The following CBFA2T2 variants were observed in gnomAD, a reference collection of about 807,000 sequenced individuals.
The protein encoded by CBFA2T2 is protein CBFA2T2.
A neutral mutation model predicts 62.2 loss-of-function variants in CBFA2T2; 11 were observed. That is an observed-to-expected ratio of 0.18 (90% confidence interval 0.11 to 0.29). CBFA2T2 has a LOEUF of 0.29. Ranked by LOEUF, CBFA2T2 falls within the 10% of genes least tolerant of loss-of-function variation. The pLI, the probability that CBFA2T2 is intolerant of heterozygous loss-of-function variation, is 1.00. For missense variants in CBFA2T2, 592 were observed against 774.1 expected (o/e 0.76, Z 2.79); for synonymous variants, 295 against 287.5 (o/e 1.03, Z -0.27).
At chr20:33,493,226 C>G (rs2011162637) in intron 1 of CBFA2T2, among the ~76,000 whole-genome samples, 2 of 151,790 alleles carry the variant, frequency 1.3e-5, no homozygotes, top group Non-Finnish European at 2.9e-5. Context: ...CAGGTGCGTG[C>G]CAACACGTCC....
chr20:33,537,974 A>T (rs2012311852), intron 1 of CBFA2T2, among the ~76,000 whole-genome samples: 1 of 151,910 alleles, frequency 6.6e-6, no homozygotes, highest in Admixed American at 6.6e-5. Context: ...TTCCAAATAA[A>T]TTCTAGAATT....
intron 1 of CBFA2T2, among the ~76,000 whole-genome samples, chr20:33,520,542 A>G (rs2011700544): frequency 1.3e-5 from 2 of 152,092 alleles, no homozygotes; most frequent in Non-Finnish European, 2.9e-5. Context: ...AGGCCAAGGC[A>G]GGTGGATCAC....
intron 10 of CBFA2T2, 49 bp downstream of exon 10, chr20:33,640,580 C>T (rs374096247): frequency 8.0e-5 from 124 of 1,547,914 alleles, no homozygotes; most frequent in Non-Finnish European, 1.0e-4. Flanking sequence ...GGAGTGACCA[C>T]GCCCGCTGCC....
intron 1 of CBFA2T2, among the ~76,000 whole-genome samples, chr20:33,556,240 T>C (rs577543113): frequency 1.5e-4 from 23 of 152,332 alleles, no homozygotes; most frequent in African/African-American, 5.1e-4. Flanking sequence ...TTTCTTTTCT[T>C]GACCATTCCA....
intron 1 of CBFA2T2, among the ~76,000 whole-genome samples, chr20:33,531,478 A>G (rs2012061482): frequency 6.6e-6 from 1 of 152,208 alleles, no homozygotes; most frequent in African/African-American, 2.4e-5. Context: ...TAGAAAAAAC[A>G]GTTCAGATCT....
At chr20:33,623,986 C>CA (rs1004126995) in intron 5 of CBFA2T2, 213 of 533,638 alleles carry the variant, frequency 4.0e-4, no homozygotes, top group Middle Eastern at 6.6e-4. Context: ...AAAGAAAAAA[C>CA]AAAAAAAAAG....
intron 8 of CBFA2T2, among the ~76,000 whole-genome samples, chr20:33,630,492 A>G (rs773703512): frequency 2.1e-4 from 32 of 152,102 alleles, no homozygotes; most frequent in Non-Finnish European, 3.1e-4. Context: ...ACCATTCAGG[A>G]AAATACCACT....
intron 1 of CBFA2T2, among the ~76,000 whole-genome samples, chr20:33,539,687 G>GT (rs34591002): frequency 0.12 from 16,533 of 138,326 alleles, 1,239 homozygotes; most frequent in Middle Eastern, 0.19. Context: ...TGTTTTTTGT[G>GT]TTTTTTTTTT....
At position 33,644,332 on chromosome 20, in the gene CBFA2T2, G is replaced by A. The variant is rs902355391; in HGVS notation, c.1489-15G>A. ...TCAATCCCAGCAACCACTAACTGAT[G>A]CCTGTGTCTTGCAGAACTGCTGGAA... is the stretch of plus-strand genomic sequence containing the variant. On this transcript the variant is annotated splice_polypyrimidine_tract_variant and intron_variant, in intron 10 of 10. Transcript: ENST00000342704. 1 of 1,601,390 alleles carries A rather than the reference G, an allele frequency of 6.2e-7. No homozygotes were observed. The highest frequency in any genetic ancestry group is 8.5e-7 in the Non-Finnish European group (1 of 1,171,032).
chr20:33,506,134 A>G (rs925151651), intron 1 of CBFA2T2, among the ~76,000 whole-genome samples: 1 of 152,132 alleles, frequency 6.6e-6, no homozygotes, highest in Non-Finnish European at 1.5e-5. Flanking sequence ...GGGGCTGGGT[A>G]TGGTGGCTCA....
At chr20:33,614,814 C>T (rs1261475981) in intron 3 of CBFA2T2, among the ~76,000 whole-genome samples, 1 of 152,194 alleles carries the variant, frequency 6.6e-6, no homozygotes, top group East Asian at 1.9e-4. Context: ...CCAATGGACA[C>T]ATGGGTTGCT....
At chr20:33,622,841 T>C (rs868331874) in intron 4 of CBFA2T2, among the ~76,000 whole-genome samples, 4 of 152,222 alleles carry the variant, frequency 2.6e-5, no homozygotes, top group Non-Finnish European at 5.9e-5. Flanking sequence ...CAACCCTTTA[T>C]TGAGCTTTGA....
intron 10 of CBFA2T2, among the ~76,000 whole-genome samples, chr20:33,642,476 A>G (rs758468224): frequency 6.6e-6 from 1 of 152,068 alleles, no homozygotes; most frequent in Admixed American, 6.6e-5. Context: ...GCATGGTGTC[A>G]TGCACCTGTA....
At chr20:33,602,743 GA>G (rs1483559537) in intron 1 of CBFA2T2, among the ~76,000 whole-genome samples, 3 of 152,110 alleles carry the variant, frequency 2.0e-5, no homozygotes, top group Admixed American at 6.6e-5. Context: ...CTCAGCATAG[GA>G]ATTTTTTCTT....
rs146788442 is a variant in CBFA2T2, at chr20:33,624,996, C to T, written c.925C>T (p.Arg309Cys). The T allele has an allele frequency of 1.7e-5, 27 of 1,613,646 alleles. No homozygotes were observed. In the African/African-American group the frequency reaches 2.0e-4, roughly 12 times the overall value. ...PNKMLEHREV[R>C]DRHHSLGLNG... ...CAAGATGCTAGAGCATCGAGAAGTT[C>T]GTGATAGACACCACAGTCTTGGTAA... The change falls in exon 6 of 11, where the codon CGT becomes TGT. Residue 309 changes from arginine (R) to cysteine (C), a missense_variant. Physicochemically the swap from Arg to Cys is radical, Grantham distance 180. Around this residue, in one of 3 missense-constraint regions of CBFA2T2, gnomAD observed 449 missense variants for 551.2 expected, o/e 0.81. Coordinates refer to ENST00000342704, the MANE Select transcript of CBFA2T2 (RefSeq NM_001032999.3).
At chr20:33,613,668 A>G (rs528165742) in intron 3 of CBFA2T2, among the ~76,000 whole-genome samples, 58 of 152,250 alleles carry the variant, frequency 3.8e-4, no homozygotes, top group African/African-American at 1.2e-3. Context: ...CATGAACCAT[A>G]CTGTTCGCAG....
At chr20:33,525,297 T>C (rs1933386255) in intron 1 of CBFA2T2, among the ~76,000 whole-genome samples, 1 of 152,102 alleles carries the variant, frequency 6.6e-6, no homozygotes, top group Non-Finnish European at 1.5e-5. Context: ...GTGATTCTTA[T>C]GCCTCAGCCT....
chr20:33,557,864 C>T (rs1180092847), intron 1 of CBFA2T2, among the ~76,000 whole-genome samples: 1 of 150,126 alleles, frequency 6.7e-6, no homozygotes, highest in East Asian at 2.0e-4. Flanking sequence ...AGACAAAAAT[C>T]TTGCTCTGTC....
intron 9 of CBFA2T2, among the ~76,000 whole-genome samples, chr20:33,637,726 G>C (rs1295199460): frequency 6.6e-6 from 1 of 151,226 alleles, no homozygotes; most frequent in Non-Finnish European, 1.5e-5. Flanking sequence ...GGAGTGCAAC[G>C]GTGTGATCTC....
Sources: gnomAD v4.1 joint callset for allele counts (sites outside exome capture counted in the v4.1 genomes callset) on GRCh38, gnomAD v4.1.1 for gene constraint, gnomAD v4.1.1 regional missense constraint, MANE v1.5 for transcripts, NCBI Gene and HGNC (gene_info 2026-07-23, HGNC 2026-07-21) for gene names.